Variants in SPAG16 observed in about 807,000 individuals in gnomAD.
SPAG16 encodes sperm-associated antigen 16 protein.
Under a neutral mutation model 80.4 loss-of-function variants are expected in SPAG16, and 86 were observed. The ratio of observed to expected loss-of-function variants is 1.07; its 90% confidence interval spans 0.90 to 1.28. SPAG16 has a LOEUF of 1.28. SPAG16 is among the 50% of genes most tolerant of loss of function. SPAG16 has a pLI of 0.00. For synonymous variants in SPAG16, 294 were observed against 265.9 expected (o/e 1.11, Z -1.03); for missense variants, 870 against 765.3 (o/e 1.14, Z -1.61).
intron 10 of SPAG16, among the ~76,000 whole-genome samples, chr2:213,729,458 C>T (rs1820569): frequency 0.92 from 140,745 of 152,194 alleles, 66,114 homozygotes; most frequent in East Asian, 1. Context: ...TAAGACTTAG[C>T]GTGGCAACAA....
intron 10 of SPAG16, among the ~76,000 whole-genome samples, chr2:213,556,179 C>G (rs528158337): frequency 6.6e-6 from 1 of 150,974 alleles, no homozygotes; most frequent in East Asian, 1.9e-4. Flanking sequence ...AACAAAGGAC[C>G]TAAAAAACAA....
At chr2:213,731,093 A>G (rs972682430) in intron 10 of SPAG16, among the ~76,000 whole-genome samples, 14 of 150,176 alleles carry the variant, frequency 9.3e-5, no homozygotes, top group African/African-American at 3.4e-4. Flanking sequence ...TCCTTAATAT[A>G]TTATACACAG....
chr2:213,413,887 T>G (rs959106812), intron 9 of SPAG16, among the ~76,000 whole-genome samples: 3 of 152,184 alleles, frequency 2.0e-5, no homozygotes, highest in Non-Finnish European at 4.4e-5. Context: ...GTTAGTTTTT[T>G]GGGATATTTC....
At chr2:214,284,581 A>G (rs969139552) in intron 15 of SPAG16, among the ~76,000 whole-genome samples, 2 of 152,352 alleles carry the variant, frequency 1.3e-5, no homozygotes, top group Admixed American at 1.3e-4. Flanking sequence ...ACTGAAAAGA[A>G]AAAGTGTATA....
rs1166218970 is a variant in SPAG16 at position 213,529,231 on chromosome 2, A to C, written c.1070+39141A>C. Among the ~76,000 whole-genome samples, 6 of 152,306 alleles carry C rather than the reference A, an allele frequency of 3.9e-5. No individual in the cohort carries two copies. The South Asian group carries it at 1.2e-3, about 32-fold the overall frequency. ...AAAATGTTTTTAACATGATCAATGC[A>C]GTTACCATGGATATTGCTCTTTATT... is the stretch of plus-strand genomic sequence containing the variant. On this transcript the variant is annotated intron_variant, in intron 10 of 15. Coordinates refer to ENST00000331683, the MANE Select transcript of SPAG16 (RefSeq NM_024532.5).
At chr2:213,740,057 G>C (rs951958883) in intron 10 of SPAG16, among the ~76,000 whole-genome samples, 1 of 152,002 alleles carries the variant, frequency 6.6e-6, no homozygotes, top group Non-Finnish European at 1.5e-5. Context: ...TTATTCTTAA[G>C]AATAAAGATT....
chr2:213,807,345 T>TC (rs920595447), intron 10 of SPAG16, among the ~76,000 whole-genome samples: 7 of 151,998 alleles, frequency 4.6e-5, no homozygotes, highest in African/African-American at 7.2e-5. Flanking sequence ...CTTTTTTTTT[T>TC]CCCCTCAACA....
intron 10 of SPAG16, among the ~76,000 whole-genome samples, chr2:213,671,234 C>T (rs1180413681): frequency 6.6e-6 from 1 of 152,042 alleles, no homozygotes; most frequent in Admixed American, 6.6e-5. Context: ...ATAAATAAGT[C>T]GATTTAAATA....
chr2:213,508,428 C>T (rs1240591325), intron 10 of SPAG16, among the ~76,000 whole-genome samples: 14 of 151,950 alleles, frequency 9.2e-5, no homozygotes, highest in African/African-American at 2.4e-4. Context: ...AAAAATTAGC[C>T]GGGCGCGGTG....
At chr2:213,527,041 A>G (rs1478098268) in intron 10 of SPAG16, among the ~76,000 whole-genome samples, 1 of 152,278 alleles carries the variant, frequency 6.6e-6, no homozygotes, top group East Asian at 1.9e-4. Context: ...CTAACCTCTG[A>G]TTCTCACCCT....
intron 9 of SPAG16, among the ~76,000 whole-genome samples, chr2:213,397,762 T>C (rs1219128221): frequency 1.3e-5 from 2 of 152,118 alleles, no homozygotes; most frequent in African/African-American, 4.8e-5. Flanking sequence ...CATACTGAGG[T>C]GTTTCAAGGC....
intron 10 of SPAG16, among the ~76,000 whole-genome samples, chr2:213,691,728 T>G (rs1482267183): frequency 1.3e-5 from 2 of 152,268 alleles, no homozygotes; most frequent in Non-Finnish European, 2.9e-5. Context: ...TTTAACATAC[T>G]ATATGATTTG....
intron 10 of SPAG16, among the ~76,000 whole-genome samples, chr2:213,676,515 G>A (rs1434441329): frequency 6.6e-6 from 1 of 151,710 alleles, no homozygotes; most frequent in Admixed American, 6.6e-5. Flanking sequence ...TATTGGCTGT[G>A]GGTTTGTCAT....
chr2:214,242,071 AT>A (rs1689536311), intron 15 of SPAG16, among the ~76,000 whole-genome samples: 1 of 152,198 alleles, frequency 6.6e-6, no homozygotes, highest in South Asian at 2.1e-4. Flanking sequence ...ATAATTCTAT[AT>A]TTCTCAGACT....
intron 15 of SPAG16, among the ~76,000 whole-genome samples, chr2:214,376,911 A>C (rs1182148364): frequency 2.0e-5 from 3 of 152,204 alleles, no homozygotes; most frequent in Admixed American, 6.6e-5. Flanking sequence ...CACTTATGCA[A>C]ATTTATTATA....
intron 9 of SPAG16, among the ~76,000 whole-genome samples, chr2:213,452,724 A>G (rs2071775066): frequency 6.6e-6 from 1 of 152,220 alleles, no homozygotes; most frequent in Admixed American, 6.5e-5. Flanking sequence ...GAATCTTGCA[A>G]CAAACCCCCT....
At chr2:213,918,546 G>T (rs2078069623) in intron 11 of SPAG16, among the ~76,000 whole-genome samples, 1 of 152,082 alleles carries the variant, frequency 6.6e-6, no homozygotes, top group Non-Finnish European at 1.5e-5. Flanking sequence ...TGCCTGTGCT[G>T]TTCTTTTGTT....
intron 10 of SPAG16, among the ~76,000 whole-genome samples, chr2:213,793,971 T>C (rs1177725106): frequency 6.6e-6 from 1 of 152,176 alleles, no homozygotes; most frequent in Non-Finnish European, 1.5e-5. Flanking sequence ...ACATTTGAAT[T>C]TAACCACGTC....
At chr2:213,606,220 T>A (rs931938754) in intron 10 of SPAG16, among the ~76,000 whole-genome samples, 1 of 152,240 alleles carries the variant, frequency 6.6e-6, no homozygotes, top group African/African-American at 2.4e-5. Context: ...TTTATATTCT[T>A]CCTAATGTTT....
Sources: gnomAD v4.1 joint callset for allele counts (sites outside exome capture counted in the v4.1 genomes callset) on GRCh38, gnomAD v4.1.1 for gene constraint, MANE v1.5 for transcripts, NCBI Gene and HGNC (gene_info 2026-07-23, HGNC 2026-07-21) for gene names.